ABCB7: variants seen among roughly 807,000 people sequenced by gnomAD.
The protein encoded by ABCB7 is ATP binding cassette subfamily B member 7.
ABCB7 carries 7 observed loss-of-function variants against 54.4 expected under a neutral mutation model. The observed-to-expected ratio is 0.13, with a 90% CI of 0.07 to 0.24. The LOEUF is 0.24. ABCB7 is among the 10% of genes least tolerant of loss of function. The pLI, the probability that ABCB7 is intolerant of heterozygous loss-of-function variation, is 1.00. For synonymous variants in ABCB7, 218 were observed against 207.1 expected (o/e 1.05, Z -0.45); for missense variants, 356 against 570.4 (o/e 0.62, Z 3.83).
At chrX:75,153,940 T>G (rs1295596326) in intron 1 of ABCB7, among the ~76,000 whole-genome samples, 1 of 109,327 alleles carries the variant, frequency 9.1e-6, no homozygotes, top group African/African-American at 3.3e-5. Context: ...AAGGTTCCTT[T>G]CAGCTCTAAA....
intron 1 of ABCB7, among the ~76,000 whole-genome samples, chrX:75,139,045 T>C (rs1349963458): frequency 9.4e-6 from 1 of 106,288 alleles, no homozygotes; most frequent in Admixed American, 1.0e-4. Context: ...AGGGATGTGA[T>C]ACAGGGATCT....
At chrX:75,122,831 A>G (rs1045052440) in intron 1 of ABCB7, among the ~76,000 whole-genome samples, 1 of 103,893 alleles carries the variant, frequency 9.6e-6, no homozygotes, top group African/African-American at 3.5e-5. Flanking sequence ...AAAAGTGTCT[A>G]TTCAAGTCCT....
chrX:75,141,536 T>C (rs2082053838), intron 1 of ABCB7, among the ~76,000 whole-genome samples: 2 of 111,534 alleles, frequency 1.8e-5, no homozygotes, highest in South Asian at 7.5e-4. Flanking sequence ...AGTTCCAAGA[T>C]TGGTGAACTG....
intron 3 of ABCB7, among the ~76,000 whole-genome samples, chrX:75,099,916 A>G (rs1203610012): frequency 1.3e-4 from 14 of 110,106 alleles, no homozygotes; most frequent in Non-Finnish European, 2.5e-4. Flanking sequence ...AAAAAAAAAG[A>G]TACTGCTTAT....
chrX:75,131,091 A>G (rs2081970599), intron 1 of ABCB7, among the ~76,000 whole-genome samples: 1 of 110,830 alleles, frequency 9.0e-6, no homozygotes, highest in Non-Finnish European at 1.9e-5. Flanking sequence ...AATCTCAAAA[A>G]AAACAAATAA....
intron 1 of ABCB7, among the ~76,000 whole-genome samples, chrX:75,145,005 C>T (rs1034938615): frequency 1.8e-5 from 2 of 110,456 alleles, no homozygotes; most frequent in Admixed American, 9.8e-5. Context: ...CAGGAGTGAT[C>T]GCTCAGAGTA....
At chrX:75,097,092 C>A (rs969657208) in intron 4 of ABCB7, among the ~76,000 whole-genome samples, 11 of 111,581 alleles carry the variant, frequency 9.9e-5, no homozygotes, top group African/African-American at 3.6e-4. Flanking sequence ...CTCATCTATT[C>A]AAAATACAGG....
At position 75,113,121 on chromosome X, in the gene ABCB7, C is replaced by G. The variant is rs192704452; in HGVS notation, c.247-149G>C. ...TCTGGCATAGTAAAGCAAAACACCT[C>G]CACAATTAACTTATAGCTAAATTTA... On this transcript the variant is annotated intron_variant, in intron 2 of 15. Coordinates refer to ENST00000373394, the MANE Select transcript of ABCB7 (RefSeq NM_001271696.3). 1.1e-5 allele frequency: 5 copies of G among 468,177 alleles called. No homozygotes were observed. In the Admixed American group the frequency reaches 1.3e-4, roughly 12 times the overall value. The allele number at this position is 468,177 out of a possible 1,213,427, so 38.6% of individuals were successfully genotyped here. A position where few individuals can be genotyped will look rare whatever the true frequency, so the allele number is the denominator to read the frequency against.
chrX:75,138,440 A>AT (rs1196455293), intron 1 of ABCB7, among the ~76,000 whole-genome samples: 2 of 111,879 alleles, frequency 1.8e-5, no homozygotes, highest in African/African-American at 3.3e-5. Context: ...CTGCTTTAAA[A>AT]TTTTTTTCTT....
intron 4 of ABCB7, among the ~76,000 whole-genome samples, chrX:75,083,858 T>C (rs2081475568): frequency 9.0e-6 from 1 of 111,206 alleles, no homozygotes; most frequent in African/African-American, 3.3e-5. Context: ...AAGATATTCA[T>C]GTACCAATTT....
chrX:75,131,816 C>G (rs1031047347), intron 1 of ABCB7, among the ~76,000 whole-genome samples: 3 of 111,818 alleles, frequency 2.7e-5, no homozygotes, highest in Non-Finnish European at 5.6e-5. Context: ...GCACAACCAC[C>G]CTGACACCAC....
At chrX:75,061,053 T>C (rs990201928) in intron 14 of ABCB7, among the ~76,000 whole-genome samples, 8 of 111,595 alleles carry the variant, frequency 7.2e-5, no homozygotes, top group African/African-American at 2.3e-4. Flanking sequence ...TTTTATTTAT[T>C]AAAGGAATAA....
chrX:75,064,997 A>C, intron 13 of ABCB7, 73 bp downstream of exon 13: 1 of 1,131,143 alleles, frequency 8.8e-7, no homozygotes, highest in Non-Finnish European at 1.2e-6. Flanking sequence ...TACATTTTCT[A>C]AAAAATGGCT....
intron 3 of ABCB7, among the ~76,000 whole-genome samples, chrX:75,101,321 T>C (rs1483309699): frequency 9.1e-6 from 1 of 109,769 alleles, no homozygotes; most frequent in Non-Finnish European, 1.9e-5. Flanking sequence ...CCCAGGACAG[T>C]ACCTTATATA....
intron 1 of ABCB7, among the ~76,000 whole-genome samples, chrX:75,153,832 A>C (rs2082153434): frequency 9.5e-6 from 1 of 104,843 alleles, no homozygotes; most frequent in Admixed American, 1.1e-4. Flanking sequence ...TACTTCACTT[A>C]AGATGTAAAA....
chrX:75,089,417 G>A (rs1004231880), intron 4 of ABCB7, among the ~76,000 whole-genome samples: 23 of 111,072 alleles, frequency 2.1e-4, no homozygotes, highest in African/African-American at 7.5e-4. Context: ...AAGTGATAGG[G>A]GGAATGAATT....
Position 75,069,151 on chromosome X carries a change from G to T in ABCB7, c.1530-15C>A, listed in dbSNP as rs749913209. The T allele has an allele frequency of 1.7e-6, 2 of 1,209,798 alleles. No homozygotes were observed. The highest frequency in any genetic ancestry group is 2.2e-6 in the Non-Finnish European group (2 of 893,811). The stretch of plus-strand genomic sequence containing the variant: ...TTGTGCTTTTCCTGAAATTGGAGAT[G>T]AAGAAAGGTTATTTAGCTCCTATTA... On this transcript the variant is annotated splice_polypyrimidine_tract_variant and intron_variant, in intron 11 of 15. Coordinates refer to ENST00000373394, the MANE Select transcript of ABCB7 (RefSeq NM_001271696.3).
intron 12 of ABCB7, among the ~76,000 whole-genome samples, chrX:75,068,103 C>A (rs910194357): frequency 2.7e-5 from 3 of 110,697 alleles, no homozygotes; most frequent in Admixed American, 9.6e-5. Flanking sequence ...CCAATAATTT[C>A]TCTAAATGAC....
chrX:75,120,885 T>C (rs2081872104), intron 1 of ABCB7, among the ~76,000 whole-genome samples: 1 of 110,581 alleles, frequency 9.0e-6, no homozygotes. Context: ...AGGAAAGGAA[T>C]TTAAACAACT....
Sources: allele counts gnomAD v4.1 joint callset (sites outside exome capture counted in the v4.1 genomes callset), GRCh38; gene constraint gnomAD v4.1.1; transcripts MANE v1.5; gene names NCBI Gene and HGNC (gene_info 2026-07-23, HGNC 2026-07-21).